RANBP10: variants seen among roughly 807,000 people sequenced by gnomAD.
RANBP10 encodes RAN binding protein 10.
RANBP10 carries 24 observed loss-of-function variants against 72.8 expected under a neutral mutation model. That is an observed-to-expected ratio of 0.33 (90% confidence interval 0.24 to 0.46). RANBP10 has a LOEUF of 0.46. Ranked by LOEUF, RANBP10 falls within the 20% of genes least tolerant of loss-of-function variation. RANBP10 has a pLI of 1.00. For missense variants in RANBP10, 679 were observed against 817.5 expected, an observed-to-expected ratio of 0.83 and a Z score of 2.07; for synonymous variants, 310 against 322.3, an observed-to-expected ratio of 0.96 and a Z score of 0.41.
At chr16:67,787,909 G>A (rs1166509189) in intron 2 of RANBP10, among the ~76,000 whole-genome samples, 1 of 152,100 alleles carries the variant, frequency 6.6e-6, no homozygotes, top group African/African-American at 2.4e-5. Context: ...TGCGATCTTG[G>A]CTCACTGCAA....
chr16:67,782,350 C>A (rs1238367504), intron 2 of RANBP10, among the ~76,000 whole-genome samples: 1 of 152,128 alleles, frequency 6.6e-6, no homozygotes, highest in Non-Finnish European at 1.5e-5. Context: ...TAGTCTTGAA[C>A]CCCTGAGCTC....
chr16:67,778,432 A>G (rs752786339), intron 2 of RANBP10, among the ~76,000 whole-genome samples: 12 of 152,362 alleles, frequency 7.9e-5, no homozygotes, highest in East Asian at 1.9e-4. Flanking sequence ...CCTAATCATA[A>G]GAGCTAAAAC....
chr16:67,730,100 CCA>C lies in RANBP10; in HGVS notation c.890-56_890-55del. On this transcript the variant is annotated intron_variant, in intron 7 of 13. Coordinates refer to ENST00000317506, the MANE Select transcript of RANBP10 (RefSeq NM_020850.3). This position sits in a 1 kb window ranked among gnomAD's most constrained non-coding sequence, Gnocchi z 4.3. Reference sequence around the variant, plus strand: ...CGAGGGCTACAGGCCTCTCCCACAGCCACACACCTGGGATGCTGCCAGCCTCA... The same window carrying C: ...CGAGGGCTACAGGCCTCTCCCACAGCCACACCTGGGATGCTGCCAGCCTCA... 6.6e-7 allele frequency: 1 copy of C among 1,523,254 alleles called. No homozygotes were observed. The highest frequency in any genetic ancestry group is 1.1e-5 in the South Asian group (1 of 89,060). The allele number at this position is 1,523,254 out of a possible 1,614,324, so 94.4% of individuals were successfully genotyped here.
At chr16:67,726,628 G>T in intron 13 of RANBP10, 70 bp from the exon 14 acceptor site, 4 of 1,487,736 alleles carry the variant, frequency 2.7e-6, no homozygotes, top group Non-Finnish European at 3.6e-6. Context: ...GTTCCCTTGG[G>T]GGTGGAAGGA....
intron 3 of RANBP10, among the ~76,000 whole-genome samples, chr16:67,747,502 T>C (rs1465174230): frequency 6.6e-6 from 1 of 152,172 alleles, no homozygotes; most frequent in Non-Finnish European, 1.5e-5. Flanking sequence ...TTTTTGTTTG[T>C]TTGTTTGTTT....
At chr16:67,803,722 T>TGAGGTGGGAGGATAACTCGAGCCC (rs2055278049) in intron 2 of RANBP10, among the ~76,000 whole-genome samples, 1 of 146,166 alleles carries the variant, frequency 6.8e-6, no homozygotes. Flanking sequence ...CTCAGGAGGC[T>TGAGGTGGGAGGATAACTCGAGCCC]GAGGTGGGAG....
chr16:67,755,299 G>A (rs992712886), intron 3 of RANBP10, among the ~76,000 whole-genome samples: 8 of 152,200 alleles, frequency 5.3e-5, no homozygotes, highest in Non-Finnish European at 1.2e-4. Flanking sequence ...TCTAGAGAGA[G>A]GATGGAGATG....
At chr16:67,772,940 G>A (rs2054634653) in intron 2 of RANBP10, among the ~76,000 whole-genome samples, 1 of 152,256 alleles carries the variant, frequency 6.6e-6, no homozygotes, top group South Asian at 2.1e-4. Context: ...TTGCACTTGG[G>A]ACTTTTTAAG....
intron 2 of RANBP10, among the ~76,000 whole-genome samples, chr16:67,785,540 C>T (rs973256976): frequency 4.0e-5 from 6 of 151,836 alleles, no homozygotes; most frequent in South Asian, 2.1e-4. Context: ...CCAGCCTGGT[C>T]GACATGGCAA....
At chr16:67,777,769 C>T (rs1273190324) in intron 2 of RANBP10, among the ~76,000 whole-genome samples, 1 of 152,070 alleles carries the variant, frequency 6.6e-6, no homozygotes, top group African/African-American at 2.4e-5. Context: ...TAGAAAAATC[C>T]ATATGGAATC....
intron 3 of RANBP10, among the ~76,000 whole-genome samples, chr16:67,749,366 C>T (rs1382377475): frequency 1.3e-5 from 2 of 152,330 alleles, no homozygotes; most frequent in African/African-American, 4.8e-5. Context: ...CAAGACTGAA[C>T]GGCTCTCAGA....
chr16:67,802,928 C>T (rs1428938614), intron 2 of RANBP10, among the ~76,000 whole-genome samples: 9 of 152,168 alleles, frequency 5.9e-5, no homozygotes, highest in Admixed American at 5.9e-4. Context: ...AAGTTGGTCT[C>T]TGCTCTCTAC....
chr16:67,788,360 C>A (rs984019564), intron 2 of RANBP10, among the ~76,000 whole-genome samples: 7 of 151,700 alleles, frequency 4.6e-5, no homozygotes, highest in Admixed American at 2.0e-4. Flanking sequence ...TCACACCATT[C>A]TCCTGCCTCA....
intron 3 of RANBP10, 42 bp downstream of exon 3, chr16:67,771,992 A>T: frequency 6.3e-7 from 1 of 1,591,780 alleles, no homozygotes; most frequent in Non-Finnish European, 8.5e-7. Flanking sequence ...CCCCAATTGG[A>T]TCAGGAGAGC....
chr16:67,730,154 G>T lies in RANBP10; in HGVS notation c.890-108C>A, dbSNP rs369316965. 1 of 959,588 alleles carries T rather than the reference G, an allele frequency of 1.0e-6. No homozygotes were observed. The highest frequency in any genetic ancestry group is 1.6e-6 in the Non-Finnish European group (1 of 629,286). 59.4% of individuals were successfully genotyped at this position (959,588 alleles called of 1,614,324 possible). On this transcript the variant is annotated intron_variant, in intron 7 of 13. Transcript: ENST00000317506. The surrounding 1 kb of genome is among the most constrained non-coding windows in gnomAD (Gnocchi z 4.3). ...GGTAGGGTCCGGCTCAGAGTGCCTC[G>T]CCAGCTTGAAATGCTCACAGGAGAG...
chr16:67,751,001 C>T (rs1457516034), intron 3 of RANBP10, among the ~76,000 whole-genome samples: 15 of 152,078 alleles, frequency 9.9e-5, no homozygotes, highest in Non-Finnish European at 2.1e-4. Context: ...CTCCTGATCT[C>T]GTGATCTGCC....
rs1360866357 is a variant in RANBP10, at chr16:67,740,047, G to GT, written c.569-2013dup. Reference sequence around the variant, plus strand: ...GTCTAGTTCTGTCGCCCAGGCTGGAGTGCAGTGGCGTGATCTCGGCTCACT... The same window carrying GT: ...GTCTAGTTCTGTCGCCCAGGCTGGAGTTGCAGTGGCGTGATCTCGGCTCACT... On this transcript the variant is annotated intron_variant, in intron 4 of 13. Coordinates refer to ENST00000317506, the MANE Select transcript of RANBP10 (RefSeq NM_020850.3). 4.0e-5 allele frequency: 6 copies of GT among 150,898 alleles called. No individual in the cohort carries two copies. In the South Asian group the frequency reaches 1.1e-3, roughly 26 times the overall value. The allele number at this position is 150,898 out of a possible 1,614,324, so 9.3% of individuals were successfully genotyped here.
chr16:67,766,732 G>A (rs2054509456), intron 3 of RANBP10, among the ~76,000 whole-genome samples: 1 of 152,074 alleles, frequency 6.6e-6, no homozygotes, highest in African/African-American at 2.4e-5. Context: ...GGTATTCCTT[G>A]ACAGGAACAC....
At chr16:67,749,413 G>C (rs762875508) in intron 3 of RANBP10, among the ~76,000 whole-genome samples, 1 of 152,174 alleles carries the variant, frequency 6.6e-6, no homozygotes, top group Non-Finnish European at 1.5e-5. Flanking sequence ...GGTGCCTCCT[G>C]CATCTCCCCA....
Sources: allele counts gnomAD v4.1 joint callset (sites outside exome capture counted in the v4.1 genomes callset), GRCh38; gene constraint gnomAD v4.1.1; non-coding constraint Gnocchi (gnomAD v3.1); transcripts MANE v1.5; gene names NCBI Gene and HGNC (gene_info 2026-07-23, HGNC 2026-07-21).